Variants in AHI1 observed in about 807,000 individuals in gnomAD.
The protein encoded by AHI1 is jouberin.
AHI1 carries 123 observed loss-of-function variants against 149.3 expected under a neutral mutation model. That is an observed-to-expected ratio of 0.82 (90% CI 0.71 to 0.96). The LOEUF is 0.96. Ranked by LOEUF, AHI1 falls within the 40% of genes least tolerant of loss-of-function variation. AHI1 has a pLI of 0.00. For missense variants in AHI1, 1,439 were observed against 1,422.7 expected (o/e 1.01, Z -0.18); for synonymous variants, 475 against 459.8 (o/e 1.03, Z -0.42).
chr6:135,451,259 G>A (rs113308212), intron 11 of AHI1, among the ~76,000 whole-genome samples: 6 of 152,198 alleles, frequency 3.9e-5, no homozygotes, highest in African/African-American at 7.2e-5. Flanking sequence ...ACCTCCCAGC[G>A]TGCTGGGATT....
chr6:135,445,444 A>C (rs1273685473), intron 13 of AHI1, among the ~76,000 whole-genome samples: 1 of 152,244 alleles, frequency 6.6e-6, no homozygotes, highest in Non-Finnish European at 1.5e-5. Context: ...GCAGAAGTAT[A>C]TACATGTACA....
intron 4 of AHI1, among the ~76,000 whole-genome samples, chr6:135,492,006 T>C (rs118068462): frequency 6.6e-6 from 1 of 152,310 alleles, no homozygotes; most frequent in Non-Finnish European, 1.5e-5. Flanking sequence ...ACCTTGTCCA[T>C]CTGAGTCCCA....
In AHI1 at chr6:135,442,620, G is replaced by T. The variant is rs1786490949; in HGVS notation, c.1874C>A (p.Ala625Glu). The T allele has an allele frequency of 1.2e-6, 2 of 1,609,586 alleles. No homozygotes were observed. Among genetic ancestry groups the T allele is most frequent in the African/African-American group, 2.7e-5 (2 of 74,974 alleles). ...LDFSHNGRIL[A>E]AACASRDGYP... The stretch of plus-strand genomic sequence containing the variant: ...TCCATCCCGGCTGGCACAAGCTGCT[G>T]CTAATATTCTTCCATTGTGGGAGAA... The change falls in exon 14 of 29, where the codon GCA becomes GAA. Residue 625 changes from alanine (A) to glutamate (E), a missense_variant. Ala to Glu is a moderately radical substitution (Grantham distance 107). Coordinates refer to ENST00000265602, the MANE Select transcript of AHI1 (RefSeq NM_001134831.2).
intron 23 of AHI1, among the ~76,000 whole-genome samples, chr6:135,391,236 T>C (rs9494231): frequency 0.025 from 3,818 of 152,236 alleles, 181 homozygotes; most frequent in African/African-American, 0.087. Flanking sequence ...TATTCATTCC[T>C]TGGATAATTC....
chr6:135,475,774 T>C (rs1050113500), intron 5 of AHI1, among the ~76,000 whole-genome samples: 2 of 152,214 alleles, frequency 1.3e-5, no homozygotes, highest in African/African-American at 4.8e-5. Context: ...CCATGCACCT[T>C]TTCCCTTTGC....
intron 24 of AHI1, among the ~76,000 whole-genome samples, chr6:135,352,811 GT>G (rs61347819): frequency 0.55 from 71,959 of 131,950 alleles, 18,182 homozygotes; most frequent in Middle Eastern, 0.63. Context: ...TGTTTTGTGG[GT>G]TTTTTTTTTT....
intron 7 of AHI1, among the ~76,000 whole-genome samples, chr6:135,465,431 C>T (rs1179666207): frequency 6.6e-6 from 1 of 152,036 alleles, no homozygotes; most frequent in African/African-American, 2.4e-5. Flanking sequence ...TTTATATATC[C>T]AAACAGGTAT....
chr6:135,473,214 T>C (rs1292613269), intron 5 of AHI1, among the ~76,000 whole-genome samples: 1 of 152,158 alleles, frequency 6.6e-6, no homozygotes, highest in Non-Finnish European at 1.5e-5. Context: ...TATCCTTGCC[T>C]TTAGTGAATT....
chr6:135,288,142 C>G (rs1193077324), intron 28 of AHI1, among the ~76,000 whole-genome samples: 1 of 151,934 alleles, frequency 6.6e-6, no homozygotes, highest in Non-Finnish European at 1.5e-5. Context: ...CCTTACCCCA[C>G]AAGACATTCA....
chr6:135,355,116 T>C (rs773690524), intron 24 of AHI1, among the ~76,000 whole-genome samples: 4 of 152,170 alleles, frequency 2.6e-5, no homozygotes, highest in African/African-American at 4.8e-5. Flanking sequence ...TTTAAAAATA[T>C]GCAGACTCAG....
At chr6:135,295,149 G>C (rs752173060) in intron 27 of AHI1, among the ~76,000 whole-genome samples, 1 of 152,150 alleles carries the variant, frequency 6.6e-6, no homozygotes, top group African/African-American at 2.4e-5. Flanking sequence ...TGTATGCATA[G>C]AAGGTAAGCA....
intron 20 of AHI1, among the ~76,000 whole-genome samples, chr6:135,415,685 T>C (rs1463738834): frequency 6.6e-6 from 1 of 152,208 alleles, no homozygotes; most frequent in Non-Finnish European, 1.5e-5. Context: ...GAAGCATATG[T>C]CCATACAAAG....
At chr6:135,450,558 A>T (rs1271369616) in intron 11 of AHI1, among the ~76,000 whole-genome samples, 1 of 152,236 alleles carries the variant, frequency 6.6e-6, no homozygotes, top group African/African-American at 2.4e-5. Flanking sequence ...AGATATGTTC[A>T]GTCATTAAAT....
chr6:135,463,253 G>A lies in AHI1; in HGVS notation c.803C>T (p.Ser268Leu), dbSNP rs768609618. ...TVEGEQKKESSVRSVSSDSHQ... is the reference protein window; with the variant it reads ...TVEGEQKKESLVRSVSSDSHQ... Reference sequence around the variant, plus strand: ...AGAATCTGAAGAAACTGATCTAACTGAAGATTCTTTCTTTTGTTCACCTTC... The same window carrying A: ...AGAATCTGAAGAAACTGATCTAACTAAAGATTCTTTCTTTTGTTCACCTTC... The change falls in exon 8 of 29, where the codon TCA (serine) becomes TTA (leucine). Residue 268 changes from serine to leucine, a missense_variant. Ser to Leu is a moderately radical substitution (Grantham distance 145). Transcript: ENST00000265602. The A allele has an allele frequency of 2.5e-6, 4 of 1,609,978 alleles. No individual in the cohort carries two copies. Among genetic ancestry groups the A allele is most frequent in the Non-Finnish European group, 3.4e-6 (4 of 1,179,186 alleles).
intron 13 of AHI1, among the ~76,000 whole-genome samples, chr6:135,445,473 A>G (rs1307835641): frequency 1.3e-5 from 2 of 152,244 alleles, no homozygotes; most frequent in African/African-American, 2.4e-5. Context: ...TCAAAGTGTG[A>G]TTCAGGAAGA....
chr6:135,489,241 T>G (rs1348371174), intron 5 of AHI1, among the ~76,000 whole-genome samples: 4 of 152,170 alleles, frequency 2.6e-5, no homozygotes, highest in African/African-American at 9.7e-5. Flanking sequence ...TCCTGGTGTT[T>G]GCAAAGAGAG....
intron 3 of AHI1, among the ~76,000 whole-genome samples, chr6:135,495,065 C>G (rs1024510630): frequency 1.3e-5 from 2 of 152,122 alleles, no homozygotes; most frequent in African/African-American, 4.8e-5. Context: ...TTCCAACTGT[C>G]TTCCCATCAC....
At chr6:135,492,077 C>T in intron 4 of AHI1, 151 bp downstream of exon 4, 3 of 514,900 alleles carry the variant, frequency 5.8e-6, no homozygotes, top group East Asian at 6.8e-5. Flanking sequence ...AAACTGAATA[C>T]AAAACCAATA....
intron 22 of AHI1, among the ~76,000 whole-genome samples, chr6:135,402,514 A>AACATGAGTT (rs994311227): frequency 2.2e-4 from 33 of 152,260 alleles, no homozygotes; most frequent in African/African-American, 7.9e-4. Flanking sequence ...ACCCTTGAAC[A>AACATGAGTT]ACATGAGTTT....
Sources: gnomAD v4.1 joint callset for allele counts (sites outside exome capture counted in the v4.1 genomes callset) on GRCh38, gnomAD v4.1.1 for gene constraint, MANE v1.5 for transcripts, NCBI Gene and HGNC (gene_info 2026-07-23, HGNC 2026-07-21) for gene names.